The following ARL8B variants were observed in gnomAD, a reference collection of about 807,000 sequenced individuals.
The protein encoded by ARL8B is ADP-ribosylation factor-like protein 8B.
In ARL8B, 9 loss-of-function variants were observed where a neutral mutation model predicts 30.6. That is an observed-to-expected ratio of 0.29 (90% confidence interval 0.18 to 0.51). The LOEUF is 0.51. Ranked by LOEUF, ARL8B falls within the 20% of genes least tolerant of loss-of-function variation. The pLI, the probability that ARL8B is intolerant of heterozygous loss-of-function variation, is 0.97. For synonymous variants in ARL8B, 74 were observed against 76.0 expected (o/e 0.97, Z 0.14); for missense variants, 130 against 227.2 (o/e 0.57, Z 2.75).
intron 1 of ARL8B, among the ~76,000 whole-genome samples, chr3:5,130,552 G>C (rs1287002082): frequency 6.6e-6 from 1 of 151,414 alleles, no homozygotes; most frequent in East Asian, 1.9e-4. Context: ...TTTTGGCGGG[G>C]GGATGGAATC....
rs538314887 is a variant in ARL8B at position 5,143,950 on chromosome 3, T to C, written c.123+21362T>C. Among the ~76,000 whole-genome samples, 4 of 152,336 alleles carry C rather than the reference T, an allele frequency of 2.6e-5. No individual in the cohort carries two copies. In the South Asian group the frequency reaches 8.3e-4, roughly 32 times the overall value. On this transcript the variant is annotated intron_variant, in intron 1 of 6. Transcript: ENST00000256496. Reference sequence around the variant, plus strand: ...GCTGTCCTAATTCTGAGGAGTGCTATTGGGAGACATTTCATTCAAGGCATT... The same window carrying C: ...GCTGTCCTAATTCTGAGGAGTGCTACTGGGAGACATTTCATTCAAGGCATT...
At chr3:5,127,700 C>G (rs927658754) in intron 1 of ARL8B, among the ~76,000 whole-genome samples, 1 of 151,704 alleles carries the variant, frequency 6.6e-6, no homozygotes, top group East Asian at 1.9e-4. Context: ...GGTGAAACCC[C>G]GTCTCTACTA....
chr3:5,176,569 G>T (rs1443072014), intron 6 of ARL8B, among the ~76,000 whole-genome samples: 1 of 152,112 alleles, frequency 6.6e-6, no homozygotes, highest in African/African-American at 2.4e-5. Flanking sequence ...GTGGATAGTC[G>T]TTCTGGCTAA....
rs568261393 is a variant in ARL8B, at chr3:5,122,360, G to T, written c.-106G>T. 168 of 1,563,416 alleles carry T rather than the reference G, an allele frequency of 1.1e-4. No individual in the cohort carries two copies. Among genetic ancestry groups the T allele is most frequent in the Non-Finnish European group, 1.3e-4 (153 of 1,156,494 alleles). ...CGGTGTCCGCCCGTGTCGCGCCGGG[G>T]CACCAAGGAGCCGTTGGAGGGTCCG... is the stretch of plus-strand genomic sequence containing the variant. On this transcript the variant is annotated 5_prime_UTR_variant, in exon 1 of 7. Transcript: ENST00000256496.
At chr3:5,151,843 G>A (rs1423686772) in intron 1 of ARL8B, among the ~76,000 whole-genome samples, 2 of 150,894 alleles carry the variant, frequency 1.3e-5, no homozygotes, top group African/African-American at 4.9e-5. Flanking sequence ...GTCAGCCTCA[G>A]CCTCTTGAGT....
At chr3:5,125,759 C>T (rs2054225517) in intron 1 of ARL8B, among the ~76,000 whole-genome samples, 1 of 152,164 alleles carries the variant, frequency 6.6e-6, no homozygotes, top group Non-Finnish European at 1.5e-5. Context: ...TCTCGAACTC[C>T]TGGTCTCAAG....
chr3:5,128,697 A>G (rs2054254095), intron 1 of ARL8B: 2 of 227,396 alleles, frequency 8.8e-6, no homozygotes, highest in Admixed American at 5.7e-5. Context: ...TATCAAAACA[A>G]TACAGGCTCA....
rs370809460 is a variant in ARL8B, at chr3:5,129,886, C to A, written c.123+7298C>A. ...CTCTCTCTCTTTTTTGTTTTTCAGACAGAGTCTTGCTCTATCACCCAGGCT... is the reference window on the plus strand; with the variant it reads ...CTCTCTCTCTTTTTTGTTTTTCAGAAAGAGTCTTGCTCTATCACCCAGGCT... On this transcript the variant is annotated intron_variant, in intron 1 of 6. Coordinates refer to ENST00000256496, the MANE Select transcript of ARL8B (RefSeq NM_018184.3). Among the ~76,000 whole-genome samples the A allele has an allele frequency of 4.6e-5, 7 of 152,098 alleles. No homozygotes were observed. The East Asian group carries it at 5.8e-4, about 13-fold the overall frequency.
intron 1 of ARL8B, among the ~76,000 whole-genome samples, chr3:5,160,715 C>T (rs1262107135): frequency 6.6e-6 from 1 of 152,058 alleles, no homozygotes; most frequent in Admixed American, 6.5e-5. Context: ...CCAGTTGATC[C>T]CCTGTAATAA....
At chr3:5,173,923 CATCTT>C (rs888700766) in intron 4 of ARL8B, 89 bp from the exon 5 acceptor site, 2 of 934,156 alleles carry the variant, frequency 2.1e-6, no homozygotes, top group Non-Finnish European at 1.7e-6. Context: ...AATGTGTTAA[CATCTT>C]AACTTTGTGT....
chr3:5,131,639 C>A (rs548581120), intron 1 of ARL8B, among the ~76,000 whole-genome samples: 1 of 152,134 alleles, frequency 6.6e-6, no homozygotes, highest in Non-Finnish European at 1.5e-5. Context: ...GATCCACCCA[C>A]CTCGGCCTCC....
At chr3:5,126,032 A>C (rs900862500) in intron 1 of ARL8B, among the ~76,000 whole-genome samples, 1 of 152,150 alleles carries the variant, frequency 6.6e-6, no homozygotes, top group African/African-American at 2.4e-5. Context: ...AAGTAATATT[A>C]ATTTAAAAAA....
At position 5,153,939 on chromosome 3, in the gene ARL8B, T is replaced by TC. The variant is rs536870770; in HGVS notation, c.124-16559dup. Among the ~76,000 whole-genome samples the TC allele has an allele frequency of 9.6e-4, 140 of 146,458 alleles. 3 individuals are homozygous for TC. The highest frequency in any genetic ancestry group is 8.5e-3 in the Admixed American group (126 of 14,740). ...TTCAGACTGATAGTCTTTTTTTTTT[T>TC]CCCCCTCCAGCACTTCGGAAGATGC... On this transcript the variant is annotated intron_variant, in intron 1 of 6. Coordinates refer to ENST00000256496, the MANE Select transcript of ARL8B (RefSeq NM_018184.3).
intron 1 of ARL8B, among the ~76,000 whole-genome samples, chr3:5,131,156 T>C (rs892829499): frequency 1.3e-5 from 2 of 152,060 alleles, no homozygotes; most frequent in Admixed American, 6.6e-5. Context: ...CTGTCCGCCT[T>C]AGCCTCCCAA....
chr3:5,164,144 C>G (rs1224774321), intron 1 of ARL8B, among the ~76,000 whole-genome samples: 1 of 152,102 alleles, frequency 6.6e-6, no homozygotes, highest in Non-Finnish European at 1.5e-5. Flanking sequence ...TATTTTTGAT[C>G]TGCATTTGTT....
intron 1 of ARL8B, among the ~76,000 whole-genome samples, chr3:5,135,512 G>A (rs2054316800): frequency 6.6e-6 from 1 of 151,764 alleles, no homozygotes; most frequent in Admixed American, 6.6e-5. Context: ...AGGCTGGAGT[G>A]CAGTGGTGCC....
chr3:5,142,591 C>T (rs56055039), intron 1 of ARL8B, among the ~76,000 whole-genome samples: 2,456 of 152,292 alleles, frequency 0.016, 81 homozygotes, highest in African/African-American at 0.056. Flanking sequence ...CCATTTGACC[C>T]AGGCGTTTAC....
intron 1 of ARL8B, among the ~76,000 whole-genome samples, chr3:5,133,891 T>C (rs1353113972): frequency 6.6e-6 from 1 of 152,120 alleles, no homozygotes; most frequent in East Asian, 1.9e-4. Flanking sequence ...GCCATGATGG[T>C]GCCACTGCAT....
chr3:5,154,545 G>C (rs1340104296), intron 1 of ARL8B, among the ~76,000 whole-genome samples: 1 of 152,070 alleles, frequency 6.6e-6, no homozygotes, highest in Non-Finnish European at 1.5e-5. Flanking sequence ...TGTTGGCCAG[G>C]TTGTGTCTTC....
Sources: allele counts gnomAD v4.1 joint callset (sites outside exome capture counted in the v4.1 genomes callset), GRCh38; gene constraint gnomAD v4.1.1; transcripts MANE v1.5; gene names NCBI Gene and HGNC (gene_info 2026-07-23, HGNC 2026-07-21).